HNRNPH3: variants seen among roughly 807,000 people sequenced by gnomAD.
HNRNPH3 encodes the protein heterogeneous nuclear ribonucleoprotein H3.
HNRNPH3 carries 7 observed loss-of-function variants against 47.0 expected under a neutral mutation model. The observed-to-expected ratio is 0.15, with a 90% CI of 0.08 to 0.28. The LOEUF is 0.28. Among genes scored for constraint, HNRNPH3 ranks in the 10% least tolerant of loss-of-function variants. HNRNPH3 has a pLI of 1.00. For synonymous variants in HNRNPH3, 120 were observed against 143.2 expected, an observed-to-expected ratio of 0.84 and a Z score of 1.16; for missense variants, 279 against 449.6, an observed-to-expected ratio of 0.62 and a Z score of 3.43.
chr10:68,337,841 T>C lies in HNRNPH3; in HGVS notation c.113-17T>C, dbSNP rs745799570. 3.1e-6 allele frequency: 5 copies of C among 1,595,958 alleles called. No individual in the cohort carries two copies. The East Asian group carries it at 9.0e-5, about 29-fold the overall frequency. ...ACACTGTTCCCCTTGATGGGGTTAT[T>C]TGTCCTTGGGTTAAAGGGTTGGAAA... On this transcript the variant is annotated splice_polypyrimidine_tract_variant and intron_variant, in intron 2 of 9. Coordinates refer to ENST00000265866, the MANE Select transcript of HNRNPH3 (RefSeq NM_012207.3). The surrounding 1 kb of genome is among the most constrained non-coding windows in gnomAD (Gnocchi z 4.5).
chr10:68,339,114 CAT>C, intron 4 of HNRNPH3, 24 bp from the exon 5 acceptor site: 1 of 1,532,626 alleles, frequency 6.5e-7, no homozygotes, highest in Non-Finnish European at 9.0e-7. Context: ...AGTGTGTAGT[CAT>C]GTGTTTCTCC....
At chr10:68,334,751 T>G (rs1344873534) in intron 1 of HNRNPH3, among the ~76,000 whole-genome samples, 3 of 152,334 alleles carry the variant, frequency 2.0e-5, no homozygotes, top group South Asian at 4.1e-4. Context: ...TGTGGTATCT[T>G]TTATTGGTAC....
Position 68,337,464 on chromosome 10 carries a change from A to G in HNRNPH3, c.112+131A>G, listed in dbSNP as rs2045601188. ...TAACTATGATAGTCTTGGTTAATGT[A>G]TTAAAATAATATGCTCCAGTTAATA... On this transcript the variant is annotated intron_variant, in intron 2 of 9. Coordinates refer to ENST00000265866, the MANE Select transcript of HNRNPH3 (RefSeq NM_012207.3). The surrounding 1 kb of genome is among the most constrained non-coding windows in gnomAD (Gnocchi z 4.5). 3.3e-6 allele frequency: 2 copies of G among 615,300 alleles called. No individual in the cohort carries two copies. The highest frequency in any genetic ancestry group is 6.2e-5 in the Admixed American group (2 of 32,486). The allele number at this position is 615,300 out of a possible 1,614,324, so 38.1% of individuals were successfully genotyped here. A position where few individuals can be genotyped will look rare whatever the true frequency, so the allele number is the denominator to read the frequency against.
chr10:68,341,501 AT>A, intron 7 of HNRNPH3, 83 bp from the exon 8 acceptor site: 1 of 1,071,412 alleles, frequency 9.3e-7, no homozygotes, highest in Non-Finnish European at 1.4e-6. Flanking sequence ...ATATTACTTA[AT>A]TGATCTTTTT....
At chr10:68,336,167 C>CT (rs5785860) in intron 1 of HNRNPH3, among the ~76,000 whole-genome samples, 16,737 of 152,108 alleles carry the variant, frequency 0.11, 1,129 homozygotes, top group South Asian at 0.24. Context: ...AATGAACAAA[C>CT]TTTGTTTACA....
At position 68,337,637 on chromosome 10, in the gene HNRNPH3, A is replaced by T; in HGVS notation, c.113-221A>T. 1.9e-6 allele frequency: 1 copy of T among 532,172 alleles called. No individual in the cohort carries two copies. The highest frequency in any genetic ancestry group is 3.3e-6 in the Non-Finnish European group (1 of 299,918). 33.0% of individuals were successfully genotyped at this position (532,172 alleles called of 1,614,324 possible). Reference sequence around the variant, plus strand: ...TCATGTAATATAGGTGGGCTTTTAGAGTGTGTAATTACACAGTGTTTTTAC... The same window carrying T: ...TCATGTAATATAGGTGGGCTTTTAGTGTGTGTAATTACACAGTGTTTTTAC... On this transcript the variant is annotated intron_variant, in intron 2 of 9. Coordinates refer to ENST00000265866, the MANE Select transcript of HNRNPH3 (RefSeq NM_012207.3). The surrounding 1 kb of genome is among the most constrained non-coding windows in gnomAD (Gnocchi z 4.5).
chr10:68,337,141 C>A lies in HNRNPH3; in HGVS notation c.-23-58C>A. 1.3e-6 allele frequency: 1 copy of A among 796,598 alleles called. No individual in the cohort carries two copies. Among genetic ancestry groups the A allele is most frequent in the Non-Finnish European group, 2.1e-6 (1 of 477,026 alleles). 49.3% of individuals were successfully genotyped at this position (796,598 alleles called of 1,614,324 possible). A position where few individuals can be genotyped will look rare whatever the true frequency, so the allele number is the denominator to read the frequency against. On this transcript the variant is annotated intron_variant, in intron 1 of 9. Transcript: ENST00000265866. The surrounding 1 kb of genome is among the most constrained non-coding windows in gnomAD (Gnocchi z 4.5). ...ACCTCTGAGAGGTGTTTCTTCATTA[C>A]CTCTTGACAAGAGTATATTTTGATT...
In HNRNPH3 at chr10:68,341,831, C is replaced by T. The variant is rs753281517; in HGVS notation, c.944C>T (p.Pro315Leu). ...GNNYSGGYGT[P>L]DGLGGYGRGG... ...AATTACAGTGGAGGATATGGTACTC[C>T]TGATGGTTTGGGTGGTTATGGTAAG... The change falls in exon 9 of 10, where the codon CCT becomes CTT. Residue 315 changes from proline (P) to leucine (L), a missense_variant. Transcript: ENST00000265866. 1.9e-6 allele frequency: 3 copies of T among 1,610,928 alleles called. No homozygotes were observed. In the African/African-American group the frequency reaches 4.0e-5, roughly 22 times the overall value.
rs529225919 is a variant in HNRNPH3, at chr10:68,340,104, G to A, written c.639+549G>A. Among the ~76,000 whole-genome samples, 6 of 151,948 alleles carry A rather than the reference G, an allele frequency of 3.9e-5. No homozygotes were observed. In the East Asian group the frequency reaches 7.7e-4, roughly 20 times the overall value. ...GGCTAGAGTGCAGTGGCGCGATCTC[G>A]GCTCACTGCAACCTCCACCTCCCGG... On this transcript the variant is annotated intron_variant, in intron 6 of 9. Coordinates refer to ENST00000265866, the MANE Select transcript of HNRNPH3 (RefSeq NM_012207.3).
At chr10:68,341,376 G>A in intron 7 of HNRNPH3, 67 bp downstream of exon 7, 1 of 1,496,520 alleles carries the variant, frequency 6.7e-7, no homozygotes. Context: ...GAGGCTCTAA[G>A]ATCTGTAGGT....
Position 68,339,185 on chromosome 10 carries a change from A to T in HNRNPH3, c.482A>T (p.Tyr161Phe). The change falls in exon 5 of 10, where the codon TAT becomes TTT. Residue 161 changes from tyrosine to phenylalanine, a missense_variant. Around this residue, in one of 2 missense-constraint regions of HNRNPH3, gnomAD observed 239 missense variants for 335.8 expected, o/e 0.71. Transcript: ENST00000265866. ...TATGGTGGCTATAATAATTACGGCTATGGGAATGATGGCTTTGATGACAGA... is the reference window on the plus strand; with the variant it reads ...TATGGTGGCTATAATAATTACGGCTTTGGGAATGATGGCTTTGATGACAGA... ...DDYGGYNNYG[Y>F]GNDGFDDRMR... The T allele has an allele frequency of 6.2e-7, 1 of 1,609,048 alleles. No homozygotes were observed. The highest frequency in any genetic ancestry group is 1.3e-5 in the African/African-American group (1 of 74,950).
Position 68,337,172 on chromosome 10 carries a change from C to T in HNRNPH3, c.-23-27C>T, listed in dbSNP as rs377607223. On this transcript the variant is annotated intron_variant, in intron 1 of 9. Transcript: ENST00000265866. The surrounding 1 kb of genome is among the most constrained non-coding windows in gnomAD (Gnocchi z 4.5). ...GACAAGAGTATATTTTGATTGACTG[C>T]TCTATGTGCTTGTTTATTTTTTATA... The T allele has an allele frequency of 5.5e-6, 6 of 1,093,288 alleles. No individual in the cohort carries two copies. In the African/African-American group the frequency reaches 7.8e-5, roughly 14 times the overall value. The allele number at this position is 1,093,288 out of a possible 1,614,324, so 67.7% of individuals were successfully genotyped here.
chr10:68,334,492 C>T (rs1564748471), intron 1 of HNRNPH3, among the ~76,000 whole-genome samples: 1 of 152,100 alleles, frequency 6.6e-6, no homozygotes, highest in Non-Finnish European at 1.5e-5. Context: ...ACATTCACAG[C>T]GTTGTGTGAC....
chr10:68,340,824 A>AGT (rs375466752), intron 6 of HNRNPH3, among the ~76,000 whole-genome samples: 2 of 122 alleles, frequency 0.016, no homozygotes, highest in South Asian at 0.5. Flanking sequence ...TTTTTTTGAC[A>AGT]GTCTCCCACT....
chr10:68,339,377 G>A (rs943582385), intron 5 of HNRNPH3, 63 bp from the exon 6 acceptor site: 78 of 1,512,324 alleles, frequency 5.2e-5, no homozygotes, highest in Admixed American at 4.8e-4. Context: ...TGTATAGTAT[G>A]TATGTATACT....
At position 68,339,530 on chromosome 10, in the gene HNRNPH3, G is replaced by A. The variant is rs758395261; in HGVS notation, c.614G>A (p.Arg205His). The change falls in exon 6 of 10, where the codon CGT becomes CAT. Residue 205 changes from arginine (R) to histidine (H), a missense_variant. Physicochemically the swap from Arg to His is conservative, Grantham distance 29. Coordinates refer to ENST00000265866, the MANE Select transcript of HNRNPH3 (RefSeq NM_012207.3). Reference protein sequence around the residue: ...HFVHMRGLPFRATENDIANFF... With the variant: ...HFVHMRGLPFHATENDIANFF... ...GTACATATGAGAGGGTTGCCTTTTC[G>A]TGCAACTGAAAATGACATTGCTAAT... The A allele has an allele frequency of 4.3e-6, 7 of 1,612,648 alleles. No individual in the cohort carries two copies. Among genetic ancestry groups the A allele is most frequent in the East Asian group, 2.2e-5 (1 of 44,856 alleles).
intron 1 of HNRNPH3, among the ~76,000 whole-genome samples, chr10:68,334,492 C>CGTTGT (rs762863841): frequency 6.6e-5 from 10 of 152,100 alleles, no homozygotes; most frequent in Non-Finnish European, 1.0e-4. Flanking sequence ...ACATTCACAG[C>CGTTGT]GTTGTGTGAC....
chr10:68,339,204 T>C lies in HNRNPH3; in HGVS notation c.501T>C (p.Asp167=), dbSNP rs777605197. ...NNYGYGNDGF[D]DRMRDGRGMG... is the part of the protein sequence containing the mutation. ...ACGGCTATGGGAATGATGGCTTTGATGACAGAATGAGAGATGGAAGAGGTA... is the reference window on the plus strand; with the variant it reads ...ACGGCTATGGGAATGATGGCTTTGACGACAGAATGAGAGATGGAAGAGGTA... The change falls in exon 5 of 10, where the codon GAT becomes GAC. Residue 167 remains aspartate (D), a synonymous_variant. Transcript: ENST00000265866. 27 of 1,602,664 alleles carry C rather than the reference T, an allele frequency of 1.7e-5. No homozygotes were observed. Among genetic ancestry groups the C allele is most frequent in the Non-Finnish European group, 2.3e-5 (27 of 1,169,822 alleles).
At position 68,339,163 on chromosome 10, in the gene HNRNPH3, G is replaced by A. The variant is rs2045689733; in HGVS notation, c.460G>A (p.Gly154Ser). Residue 154 changes from glycine (G) to serine (S), a missense_variant, in exon 5 of 10, where the codon GGT becomes AGT. By Grantham distance (56) the Gly-to-Ser change is moderately conservative. This residue lies in a region of HNRNPH3 where 239 missense variants were observed against 335.8 expected (regional missense o/e 0.71). Transcript: ENST00000265866. ...DGGYGGFDDY[G>S]GYNNYGYGND... ...AGGTTATGGAGGTTTTGATGACTATGGTGGCTATAATAATTACGGCTATGG... is the reference window on the plus strand; with the variant it reads ...AGGTTATGGAGGTTTTGATGACTATAGTGGCTATAATAATTACGGCTATGG... The A allele has an allele frequency of 6.2e-7, 1 of 1,610,138 alleles. No individual in the cohort carries two copies. The highest frequency in any genetic ancestry group is 1.3e-5 in the African/African-American group (1 of 74,814).
Sources: gnomAD v4.1 joint callset for allele counts (sites outside exome capture counted in the v4.1 genomes callset) on GRCh38, gnomAD v4.1.1 for gene constraint, gnomAD v4.1.1 regional missense constraint, Gnocchi (gnomAD v3.1) non-coding constraint, MANE v1.5 for transcripts, NCBI Gene and HGNC (gene_info 2026-07-23, HGNC 2026-07-21) for gene names.